The following ABCC1 variants were observed in gnomAD, a reference collection of about 807,000 sequenced individuals.
The protein encoded by ABCC1 is multidrug resistance-associated protein 1.
In ABCC1, 83 loss-of-function variants were observed where a neutral mutation model predicts 172.9. The ratio of observed to expected loss-of-function variants is 0.48; its 90% CI spans 0.40 to 0.58. ABCC1 has a LOEUF of 0.58. Among genes scored for constraint, ABCC1 ranks in the 20% least tolerant of loss-of-function variants. The pLI is 0.00. For synonymous variants in ABCC1, 937 were observed against 825.2 expected (o/e 1.14, Z -2.32); for missense variants, 1,817 against 2,002.7 (o/e 0.91, Z 1.77).
At chr16:16,047,023 C>T (rs191350559) in intron 9 of ABCC1, among the ~76,000 whole-genome samples, 4 of 152,170 alleles carry the variant, frequency 2.6e-5, no homozygotes, top group African/African-American at 9.6e-5. Flanking sequence ...TAGCAAGACC[C>T]TGGCTCTGCA....
Position 16,045,995 on chromosome 16 carries a change from TG to T in ABCC1, c.1204del (p.Ala402LeufsTer8). 6.2e-7 allele frequency: 1 copy of T among 1,614,132 alleles called. No homozygotes were observed. Among genetic ancestry groups the T allele is most frequent in the East Asian group, 2.2e-5 (1 of 44,860 alleles). On this transcript the variant is annotated frameshift_variant, in exon 9 of 31. Transcript: ENST00000399410. LOFTEE classifies it high-confidence loss of function. ...GCATGAGGATCAAGACCGCTGTCAT[TG>T]GGGCTGTCTATCGGAAGGTAGGGGA... is the stretch of plus-strand genomic sequence containing the variant. The part of the protein sequence containing the change: ...SGMRIKTAVI[G>X]AVYRKALVIT...
intron 14 of ABCC1, among the ~76,000 whole-genome samples, chr16:16,073,510 C>T (rs969248146): frequency 6.6e-6 from 1 of 152,156 alleles, no homozygotes; most frequent in Admixed American, 6.5e-5. Context: ...TACCTATAAT[C>T]CTAGTACTTT....
At position 16,086,946 on chromosome 16, in the gene ABCC1, C is replaced by T. The variant is rs1214979922; in HGVS notation, c.2415C>T (p.His805=). The change falls in exon 18 of 31, where the codon CAC becomes CAT. Residue 805 remains histidine, a synonymous_variant. Transcript: ENST00000399410. Reference sequence around the variant, plus strand: ...CAGTGGATGCCCATGTGGGAAAACACATCTTTGAAAATGTGATTGGCCCCA... The same window carrying T: ...CAGTGGATGCCCATGTGGGAAAACATATCTTTGAAAATGTGATTGGCCCCA... ...LSAVDAHVGK[H]IFENVIGPKG... The T allele has an allele frequency of 1.2e-6, 2 of 1,614,222 alleles. No homozygotes were observed. The highest frequency in any genetic ancestry group is 1.7e-6 in the Non-Finnish European group (2 of 1,180,052).
intron 5 of ABCC1, among the ~76,000 whole-genome samples, chr16:16,017,483 A>G (rs1481533407): frequency 6.6e-6 from 1 of 152,156 alleles, no homozygotes; most frequent in South Asian, 2.1e-4. Context: ...GATGTGTGCC[A>G]TGGTGATTTG....
chr16:16,080,263 TC>T (rs781293655), intron 16 of ABCC1, among the ~76,000 whole-genome samples: 3 of 152,338 alleles, frequency 2.0e-5, no homozygotes, highest in East Asian at 3.9e-4. Context: ...GAGTATCTAT[TC>T]TTATAAATGT....
At chr16:16,068,358 G>GA in intron 13 of ABCC1, 56 bp downstream of exon 13, 1 of 1,599,100 alleles carries the variant, frequency 6.3e-7, no homozygotes, top group South Asian at 1.1e-5. Context: ...TCTAGGCCAC[G>GA]AAAGCATGGA....
chr16:15,999,811 T>TCTCTC (rs2047207909), intron 1 of ABCC1, among the ~76,000 whole-genome samples: 6 of 34,160 alleles, frequency 1.8e-4, no homozygotes, highest in African/African-American at 5.3e-4. Context: ...CTCTCTCTCC[T>TCTCTC]CTCTCTCTCT....
At chr16:16,131,706 G>A (rs1040953038) in intron 26 of ABCC1, 83 bp from the exon 27 acceptor site, 12 of 1,512,312 alleles carry the variant, frequency 7.9e-6, no homozygotes, top group Middle Eastern at 3.5e-4. Flanking sequence ...GCAGCAGAGT[G>A]AGTGAGAGGG....
At chr16:16,073,661 GCA>G (rs1491365092) in intron 14 of ABCC1, among the ~76,000 whole-genome samples, 6 of 152,284 alleles carry the variant, frequency 3.9e-5, no homozygotes, top group Middle Eastern at 3.4e-3. Flanking sequence ...AGAGGCTGAG[GCA>G]GGAGGATTGG....
At chr16:16,031,899 T>TTTGGGGCTCACATCC (rs904784894) in intron 5 of ABCC1, among the ~76,000 whole-genome samples, 14 of 98,038 alleles carry the variant, frequency 1.4e-4, no homozygotes, top group Non-Finnish European at 3.2e-4. Context: ...AGCCTGACTC[T>TTTGGGGCTCACATCC]TTGGGGCTCA....
At chr16:16,104,757 C>A (rs57424296) in intron 20 of ABCC1, among the ~76,000 whole-genome samples, 6,475 of 152,210 alleles carry the variant, frequency 0.043, 472 homozygotes, top group African/African-American at 0.15. Flanking sequence ...CGCAGGAGCC[C>A]ATAGCGGGGA....
intron 1 of ABCC1, among the ~76,000 whole-genome samples, chr16:15,958,261 A>G (rs1235670465): frequency 6.6e-6 from 1 of 151,852 alleles, no homozygotes; most frequent in African/African-American, 2.4e-5. Flanking sequence ...CCGCACCACC[A>G]CACTCGGCTT....
At chr16:16,044,384 T>C in intron 7 of ABCC1, 66 bp from the exon 8 acceptor site, 1 of 1,393,620 alleles carries the variant, frequency 7.2e-7, no homozygotes. Flanking sequence ...TCCCTGGCCA[T>C]GTCCCTGTGG....
chr16:16,088,935 T>C (rs142590342), intron 18 of ABCC1, among the ~76,000 whole-genome samples: 4 of 152,282 alleles, frequency 2.6e-5, no homozygotes, highest in African/African-American at 9.6e-5. Flanking sequence ...TTTCAAACTC[T>C]TGGCCTCAAG....
intron 20 of ABCC1, among the ~76,000 whole-genome samples, chr16:16,104,187 A>G (rs943465601): frequency 2.6e-5 from 4 of 152,166 alleles, no homozygotes; most frequent in African/African-American, 9.7e-5. Context: ...GCAAAGAGTG[A>G]AACAATAAAG....
chr16:16,059,314 T>G (rs902753307), intron 12 of ABCC1, among the ~76,000 whole-genome samples: 6 of 152,186 alleles, frequency 3.9e-5, no homozygotes, highest in African/African-American at 1.2e-4. Flanking sequence ...GTAAATACTT[T>G]CGGAATTCCG....
chr16:15,992,093 G>A (rs1242709754), intron 1 of ABCC1, among the ~76,000 whole-genome samples: 1 of 151,904 alleles, frequency 6.6e-6, no homozygotes, highest in Non-Finnish European at 1.5e-5. Context: ...TCATAGGAGC[G>A]CGAACCCTGC....
intron 12 of ABCC1, among the ~76,000 whole-genome samples, chr16:16,059,686 T>C (rs1286282950): frequency 6.6e-6 from 1 of 151,924 alleles, no homozygotes; most frequent in Non-Finnish European, 1.5e-5. Flanking sequence ...GCACCTGTGG[T>C]CATAGCTACT....
Position 15,974,698 on chromosome 16 carries a change from C to G in ABCC1, c.48+24899C>G, listed in dbSNP as rs187772118. The stretch of plus-strand genomic sequence containing the variant: ...AGCAGTGTTTACAGGATGGGCTAAT[C>G]GAGAGACACAGACAAATATCAAAGA... On this transcript the variant is annotated intron_variant, in intron 1 of 30. Transcript: ENST00000399410. Among the ~76,000 whole-genome samples the G allele has an allele frequency of 2.0e-5, 3 of 152,126 alleles. No individual in the cohort carries two copies. In the East Asian group the frequency reaches 5.8e-4, roughly 29 times the overall value.
Sources: gnomAD v4.1 joint callset for allele counts (sites outside exome capture counted in the v4.1 genomes callset) on GRCh38, gnomAD v4.1.1 for gene constraint, MANE v1.5 for transcripts, NCBI Gene and HGNC (gene_info 2026-07-23, HGNC 2026-07-21) for gene names.